The following VPS13C variants were observed in gnomAD, a reference collection of about 807,000 sequenced individuals.
The protein encoded by VPS13C is intermembrane lipid transfer protein VPS13C.
VPS13C carries 358 observed loss-of-function variants against 456.8 expected under a neutral mutation model. The observed-to-expected ratio is 0.78, with a 90% CI of 0.72 to 0.86. The LOEUF (loss-of-function observed/expected upper bound fraction) is 0.86, where lower values mean the gene tolerates loss of function less well. VPS13C is among the 40% of genes least tolerant of loss of function. The pLI is 0.00. For synonymous variants in VPS13C, 1,578 were observed against 1,486.7 expected (o/e 1.06, Z -1.41); for missense variants, 4,818 against 4,385.4 (o/e 1.10, Z -2.79).
At chr15:61,901,031 T>C (rs1342537974) in intron 66 of VPS13C, among the ~76,000 whole-genome samples, 3 of 152,038 alleles carry the variant, frequency 2.0e-5, no homozygotes, top group Non-Finnish European at 2.9e-5. Flanking sequence ...ATTTAATAAA[T>C]GGTGCTGGGA....
chr15:62,012,026 T>G (rs2047058171), intron 12 of VPS13C, 81 bp downstream of exon 12: 3 of 871,648 alleles, frequency 3.4e-6, no homozygotes, highest in African/African-American at 3.5e-5. Flanking sequence ...TAAGTAAGTT[T>G]ATCAGAAAAC....
chr15:62,022,340 C>G (rs2140575459), intron 8 of VPS13C, among the ~76,000 whole-genome samples: 1 of 152,004 alleles, frequency 6.6e-6, no homozygotes, highest in Admixed American at 6.6e-5. Flanking sequence ...TCTGAGGAAA[C>G]TCCACACTGT....
chr15:61,994,692 C>T (rs755225123), intron 16 of VPS13C, among the ~76,000 whole-genome samples: 2 of 151,712 alleles, frequency 1.3e-5, no homozygotes, highest in Non-Finnish European at 2.9e-5. Flanking sequence ...CGGGTTCAAG[C>T]GATTCTCCTG....
At chr15:61,908,788 G>C (rs998372646) in intron 65 of VPS13C, among the ~76,000 whole-genome samples, 1 of 152,130 alleles carries the variant, frequency 6.6e-6, no homozygotes, top group African/African-American at 2.4e-5. Flanking sequence ...CATTTGATGT[G>C]AATATTCATC....
At chr15:62,048,245 T>A (rs2048490774) in intron 1 of VPS13C, among the ~76,000 whole-genome samples, 1 of 74,374 alleles carries the variant, frequency 1.3e-5, no homozygotes. Flanking sequence ...CCTAATGCTA[T>A]CCCTCCCCCC....
intron 12 of VPS13C, among the ~76,000 whole-genome samples, chr15:62,011,071 T>C (rs182892976): frequency 6.6e-6 from 1 of 152,154 alleles, no homozygotes; most frequent in African/African-American, 2.4e-5. Context: ...ACCACTTTAT[T>C]ATTGTCAAAA....
chr15:61,984,077 T>C, intron 19 of VPS13C, 65 bp from the exon 20 acceptor site: 1 of 1,479,352 alleles, frequency 6.8e-7, no homozygotes, highest in Admixed American at 2.0e-5. Flanking sequence ...TGGACTAAAA[T>C]ACAAATTTCC....
Position 61,991,781 on chromosome 15 carries a change from A to C in VPS13C, c.1375T>G (p.Leu459Val). Reference protein sequence around the residue: ...QVEVIRSGQKLRKKSADTGEK... With the variant: ...QVEVIRSGQKVRKKSADTGEK... ...CCTGTGTCAGCAGACTTTTTCCTTA[A>C]TTTTTGCCCAGACCGAATCACCTGA... The change falls in exon 17 of 85, where the codon TTA (leucine) becomes GTA (valine). Residue 459 changes from leucine to valine, a missense_variant. This residue lies in a region of VPS13C where 4,552 missense variants were observed against 4,130.6 expected (regional missense o/e 1.10). Coordinates refer to ENST00000644861, the MANE Select transcript of VPS13C (RefSeq NM_020821.3). 6.2e-7 allele frequency: 1 copy of C among 1,612,504 alleles called. No individual in the cohort carries two copies.
chr15:62,045,919 C>T (rs2048385656), intron 1 of VPS13C, among the ~76,000 whole-genome samples: 2 of 151,910 alleles, frequency 1.3e-5, no homozygotes, highest in Admixed American at 1.3e-4. Context: ...TAAAAGAATG[C>T]CCAGATTGAC....
intron 15 of VPS13C, among the ~76,000 whole-genome samples, chr15:62,005,834 C>G (rs1190738971): frequency 2.6e-5 from 4 of 151,922 alleles, no homozygotes. Context: ...TCCCGAGTAA[C>G]TGGGATTACG....
intron 1 of VPS13C, among the ~76,000 whole-genome samples, chr15:62,057,167 T>A (rs1596547549): frequency 6.6e-6 from 1 of 152,144 alleles, no homozygotes; most frequent in Non-Finnish European, 1.5e-5. Flanking sequence ...ATTTACAAGA[T>A]GAATTCTTCC....
intron 15 of VPS13C, among the ~76,000 whole-genome samples, chr15:62,001,667 C>G (rs1304044748): frequency 6.6e-6 from 1 of 152,150 alleles, no homozygotes; most frequent in Admixed American, 6.5e-5. Context: ...TATCCCTCCC[C>G]CTCCCCACAA....
At chr15:62,036,009 C>G (rs759944108) in intron 3 of VPS13C, among the ~76,000 whole-genome samples, 5 of 152,028 alleles carry the variant, frequency 3.3e-5, no homozygotes, top group Non-Finnish European at 5.9e-5. Flanking sequence ...TCTCTAGTAT[C>G]CCCTCGTTCC....
intron 35 of VPS13C, 39 bp downstream of exon 35, chr15:61,961,550 A>C: frequency 7.8e-7 from 1 of 1,287,880 alleles, no homozygotes; most frequent in Non-Finnish European, 1.1e-6. Context: ...GGAAATCATG[A>C]ATATAATATT....
At position 61,890,419 on chromosome 15, in the gene VPS13C, TC is replaced by T. The variant is rs762262361; in HGVS notation, c.9106-20del. The T allele has an allele frequency of 1.9e-6, 3 of 1,600,246 alleles. No homozygotes were observed. Among genetic ancestry groups the T allele is most frequent in the Non-Finnish European group, 2.6e-6 (3 of 1,168,442 alleles). On this transcript the variant is annotated intron_variant, in intron 66 of 84. Transcript: ENST00000644861. The stretch of plus-strand genomic sequence containing the variant: ...ATCCATCCTGGGAAGAAGAAAGACT[TC>T]ATTAAACCCACACATAGTAACTTGT...
rs1233378372 is a variant in VPS13C at position 61,920,324 on chromosome 15, G to A, written c.7220C>T (p.Ser2407Leu). ...NVFNNLAKGF[S>L]EGTASTFDYS... ...GTCAAAAGTAGAAGCAGTGCCCTCT[G>A]AAAAACCCTGAAAAGGAACATATCA... Residue 2407 changes from serine to leucine, a missense_variant, in exon 57 of 85, where the codon TCA becomes TTA. Ser to Leu is a moderately radical substitution (Grantham distance 145). Around this residue, in one of 3 missense-constraint regions of VPS13C, gnomAD observed 4,552 missense variants for 4,130.6 expected, o/e 1.10. Coordinates refer to ENST00000644861, the MANE Select transcript of VPS13C (RefSeq NM_020821.3). 3.8e-6 allele frequency: 6 copies of A among 1,590,216 alleles called. No individual in the cohort carries two copies. The highest frequency in any genetic ancestry group is 4.3e-6 in the Non-Finnish European group (5 of 1,165,220).
At chr15:62,059,905 C>G (rs2048937350) in intron 1 of VPS13C, among the ~76,000 whole-genome samples, 2 of 152,222 alleles carry the variant, frequency 1.3e-5, no homozygotes, top group South Asian at 4.1e-4. Flanking sequence ...CATGCTCACT[C>G]CACGCGATAC....
chr15:61,872,076 G>T (rs1204258965), intron 78 of VPS13C, 42 bp from the exon 79 acceptor site: 2 of 1,580,772 alleles, frequency 1.3e-6, no homozygotes, highest in Non-Finnish European at 8.6e-7. Context: ...TGAATGGAAG[G>T]TGTTTAATTT....
At chr15:61,994,489 G>A (rs1185189508) in intron 16 of VPS13C, among the ~76,000 whole-genome samples, 3 of 152,150 alleles carry the variant, frequency 2.0e-5, no homozygotes. Flanking sequence ...AGAAAATGCA[G>A]AGATAAGGCT....
Sources: allele counts gnomAD v4.1 joint callset (sites outside exome capture counted in the v4.1 genomes callset), GRCh38; gene constraint gnomAD v4.1.1; regional missense constraint gnomAD v4.1.1; transcripts MANE v1.5; gene names NCBI Gene and HGNC (gene_info 2026-07-23, HGNC 2026-07-21).